Variants in WDR49 observed in about 807,000 individuals in gnomAD.
The protein encoded by WDR49 is WD repeat domain 49, also known as cilia- and flagella-associated protein 337.
In WDR49, 107 loss-of-function variants were observed where a neutral mutation model predicts 119.5. The ratio of observed to expected loss-of-function variants is 0.90; its 90% confidence interval spans 0.77 to 1.05. The LOEUF (loss-of-function observed/expected upper bound fraction) is 1.05. WDR49 is among the 50% of genes least tolerant of loss of function. The pLI is 0.00. For synonymous variants in WDR49, 425 were observed against 418.8 expected (o/e 1.01, Z -0.18); for missense variants, 1,240 against 1,220.5 (o/e 1.02, Z -0.24).
intron 7 of WDR49, among the ~76,000 whole-genome samples, chr3:167,586,908 G>A (rs907821130): frequency 7.2e-5 from 11 of 152,110 alleles, no homozygotes; most frequent in South Asian, 2.1e-4. Flanking sequence ...TTGCTTTTAC[G>A]TTATAAAACC....
intron 6 of WDR49, among the ~76,000 whole-genome samples, chr3:167,602,717 TA>T (rs1287838394): frequency 3.3e-5 from 5 of 152,102 alleles, no homozygotes; most frequent in African/African-American, 9.7e-5. Flanking sequence ...TTAAAAACTA[TA>T]AAAAGACAAA....
chr3:167,599,729 G>A (rs988615655), intron 7 of WDR49, among the ~76,000 whole-genome samples: 2 of 151,648 alleles, frequency 1.3e-5, no homozygotes, highest in African/African-American at 2.4e-5. Context: ...GTTCCATGGT[G>A]TACTATCTGG....
intron 13 of WDR49, 124 bp from the exon 14 acceptor site, chr3:167,529,363 C>G (rs1399629591): frequency 1.3e-6 from 1 of 755,492 alleles, no homozygotes; most frequent in Non-Finnish European, 2.0e-6. Flanking sequence ...GAGATCAATT[C>G]CCAGCACCAC....
chr3:167,570,729 CA>C (rs1177148311), intron 8 of WDR49, among the ~76,000 whole-genome samples: 1 of 151,952 alleles, frequency 6.6e-6, no homozygotes, highest in African/African-American at 2.4e-5. Context: ...AGCAAAGAAA[CA>C]AAAAGCTGCA....
intron 2 of WDR49, among the ~76,000 whole-genome samples, chr3:167,640,975 G>A (rs1008392609): frequency 1.3e-5 from 2 of 151,770 alleles, no homozygotes; most frequent in Non-Finnish European, 2.9e-5. Context: ...AAAAACCTTC[G>A]GTTGCATCTA....
chr3:167,632,106 T>C (rs1297727938), intron 2 of WDR49, among the ~76,000 whole-genome samples: 2 of 152,064 alleles, frequency 1.3e-5, no homozygotes, highest in Non-Finnish European at 2.9e-5. Context: ...GCAATGTTGA[T>C]TTTTATTTTA....
intron 2 of WDR49, among the ~76,000 whole-genome samples, chr3:167,652,074 T>A (rs1231674142): frequency 1.3e-5 from 2 of 152,190 alleles, no homozygotes. Flanking sequence ...ATATGCTAAA[T>A]TTACTTGGGG....
Position 167,621,530 on chromosome 3 carries a change from A to G in WDR49, c.720T>C (p.Asp240=). Reference sequence around the variant, plus strand: ...TGGCATCAAGAGGATCATACCAATAATCCATGCAAATTGGTGTTCCTTTCA... The same window carrying G: ...TGGCATCAAGAGGATCATACCAATAGTCCATGCAAATTGGTGTTCCTTTCA... ...QGLKGTPICM[D]YWYDPLDANE... Residue 240 remains aspartate (D), a synonymous_variant, in exon 4 of 19, where the codon GAT becomes GAC. Transcript: ENST00000682715. 1.3e-6 allele frequency: 2 copies of G among 1,535,612 alleles called. No homozygotes were observed. Among genetic ancestry groups the G allele is most frequent in the Non-Finnish European group, 1.7e-6 (2 of 1,146,464 alleles).
intron 7 of WDR49, among the ~76,000 whole-genome samples, chr3:167,585,564 T>C (rs1577256605): frequency 6.6e-6 from 1 of 152,064 alleles, no homozygotes; most frequent in Admixed American, 6.6e-5. Context: ...TGTATATCTA[T>C]GTGTCTATCT....
At chr3:167,562,504 C>T (rs1713326569) in intron 8 of WDR49, among the ~76,000 whole-genome samples, 1 of 152,192 alleles carries the variant, frequency 6.6e-6, no homozygotes, top group Non-Finnish European at 1.5e-5. Flanking sequence ...ATTTATGCTA[C>T]ACATTTTCTC....
At chr3:167,605,821 T>A (rs1716035341) in intron 5 of WDR49, among the ~76,000 whole-genome samples, 1 of 152,174 alleles carries the variant, frequency 6.6e-6, no homozygotes, top group South Asian at 2.1e-4. Flanking sequence ...CCACACAGTT[T>A]CAGTGATTTG....
intron 18 of WDR49, among the ~76,000 whole-genome samples, chr3:167,499,232 G>T (rs1336351840): frequency 6.6e-6 from 1 of 152,062 alleles, no homozygotes; most frequent in Non-Finnish European, 1.5e-5. Flanking sequence ...TTCCATAAGA[G>T]ACAAAGCAAA....
chr3:167,503,037 AG>A lies in WDR49; in HGVS notation c.2884+2269del, dbSNP rs563391122. On this transcript the variant is annotated intron_variant, in intron 17 of 18. Transcript: ENST00000682715. ...CCTTCTAGACAGCCCCTCCCATCAC[AG>A]GCCCACAGGCATAGAAGGAATACAC... Among the ~76,000 whole-genome samples the A allele has an allele frequency of 1.6e-4, 25 of 152,308 alleles. No homozygotes were observed. The South Asian group carries it at 5.2e-3, about 32-fold the overall frequency.
In WDR49 at chr3:167,653,297, G is replaced by T. The variant is rs747734079; in HGVS notation, c.129C>A (p.Ser43Arg). The T allele has an allele frequency of 1.5e-5, 23 of 1,535,918 alleles. No individual in the cohort carries two copies. In the Admixed American group the frequency reaches 2.4e-4, roughly 16 times the overall value. The part of the protein sequence containing the change: ...YGTGLLENQL[S>R]VGDFVKIQKA... The stretch of plus-strand genomic sequence containing the variant: ...TCTGTATTTTTACAAAGTCACCCAC[G>T]CTGAGTTGGTTTTCAAGCAGGCCTG... The change falls in exon 2 of 19, where the codon AGC becomes AGA. Residue 43 changes from serine to arginine, a missense_variant. By Grantham distance (110) the Ser-to-Arg change is moderately radical. Transcript: ENST00000682715.
chr3:167,485,164 T>A (rs926968497), intron 18 of WDR49, among the ~76,000 whole-genome samples: 1 of 151,436 alleles, frequency 6.6e-6, no homozygotes, highest in African/African-American at 2.4e-5. Flanking sequence ...GGACACAGGG[T>A]GGAGAACATC....
chr3:167,503,500 A>G (rs1429208633), intron 17 of WDR49, among the ~76,000 whole-genome samples: 1 of 152,188 alleles, frequency 6.6e-6, no homozygotes, highest in African/African-American at 2.4e-5. Context: ...TTATAGCTCT[A>G]TTAGAAGCCG....
In WDR49 at chr3:167,496,708, C is replaced by A. The variant is rs138888840; in HGVS notation, c.3031+3445G>T. ...ATCTCTGCGTCTTTAGCATCCAGCA[C>A]AAATGCTACTATATGTAATATCTAT... is the stretch of plus-strand genomic sequence containing the variant. On this transcript the variant is annotated intron_variant, in intron 18 of 18. Transcript: ENST00000682715. Among the ~76,000 whole-genome samples, 37 of 152,292 alleles carry A rather than the reference C, an allele frequency of 2.4e-4. No homozygotes were observed. In the East Asian group the frequency reaches 6.2e-3, roughly 25 times the overall value.
At chr3:167,639,283 A>G (rs191822984) in intron 2 of WDR49, among the ~76,000 whole-genome samples, 6 of 151,742 alleles carry the variant, frequency 4.0e-5, no homozygotes, top group African/African-American at 1.4e-4. Flanking sequence ...AGGATCATAG[A>G]TTAATACCAT....
intron 8 of WDR49, among the ~76,000 whole-genome samples, chr3:167,567,145 C>T (rs558732263): frequency 6.6e-6 from 1 of 152,226 alleles, no homozygotes. Context: ...AAGGTCTATG[C>T]CATAAAATAA....
Sources: allele counts gnomAD v4.1 joint callset (sites outside exome capture counted in the v4.1 genomes callset), GRCh38; gene constraint gnomAD v4.1.1; transcripts MANE v1.5; gene names NCBI Gene and HGNC (gene_info 2026-07-23, HGNC 2026-07-21).